TRAK1: variants seen among roughly 807,000 people sequenced by gnomAD.
The protein encoded by TRAK1 is trafficking kinesin-binding protein 1.
Under a neutral mutation model 92.1 loss-of-function variants are expected in TRAK1, and 33 were observed. The observed-to-expected ratio is 0.36, with a 90% CI of 0.27 to 0.48. TRAK1 has a LOEUF of 0.48. Ranked by LOEUF, TRAK1 falls within the 20% of genes least tolerant of loss-of-function variation. TRAK1 has a pLI of 0.99. For synonymous variants in TRAK1, 521 were observed against 517.3 expected, an observed-to-expected ratio of 1.01 and a Z score of -0.10; for missense variants, 1,123 against 1,257.9, an observed-to-expected ratio of 0.89 and a Z score of 1.62.
chr3:42,080,035 C>T (rs533902321), intron 1 of TRAK1, among the ~76,000 whole-genome samples: 1 of 152,098 alleles, frequency 6.6e-6, no homozygotes, highest in Non-Finnish European at 1.5e-5. Context: ...GAAGGTTGCT[C>T]GATCCCTTCC....
chr3:42,046,614 A>G (rs1052148224), intron 1 of TRAK1, among the ~76,000 whole-genome samples: 2 of 152,176 alleles, frequency 1.3e-5, no homozygotes, highest in Non-Finnish European at 2.9e-5. Flanking sequence ...TGCTGGGAAG[A>G]TGGAATTAAG....
chr3:42,155,109 C>T (rs1006819693), intron 2 of TRAK1, among the ~76,000 whole-genome samples: 3 of 151,906 alleles, frequency 2.0e-5, no homozygotes, highest in African/African-American at 7.3e-5. Context: ...AAATAAGAGT[C>T]AAAGAGGCAA....
At chr3:42,080,278 G>A (rs1032260325) in intron 1 of TRAK1, among the ~76,000 whole-genome samples, 25 of 152,138 alleles carry the variant, frequency 1.6e-4, no homozygotes, top group African/African-American at 5.6e-4. Flanking sequence ...ACTGGGGGCC[G>A]GAATTGTTGA....
intron 7 of TRAK1, among the ~76,000 whole-genome samples, chr3:42,192,255 T>A (rs11922051): frequency 0.033 from 5,096 of 152,268 alleles, 122 homozygotes; most frequent in South Asian, 0.073. Flanking sequence ...GAAAACTGTG[T>A]TGAAAATGTG....
intron 1 of TRAK1, among the ~76,000 whole-genome samples, chr3:42,042,252 A>G (rs1425906829): frequency 6.6e-6 from 1 of 151,990 alleles, no homozygotes; most frequent in Non-Finnish European, 1.5e-5. Context: ...GAATGTTTTT[A>G]TCATGAAAGG....
At chr3:42,193,715 A>G (rs1333389566) in intron 8 of TRAK1, 109 bp from the exon 9 acceptor site, 1 of 1,115,446 alleles carries the variant, frequency 9.0e-7, no homozygotes. Flanking sequence ...TAAGATGAGC[A>G]TGTCCTTGTA....
intron 6 of TRAK1, 140 bp from the exon 7 acceptor site, chr3:42,191,418 G>T: frequency 1.6e-6 from 1 of 622,912 alleles, no homozygotes; most frequent in Non-Finnish European, 2.7e-6. Flanking sequence ...CTGTATTTGA[G>T]GGTACGATGG....
At chr3:42,102,640 C>T (rs1404246426) in intron 1 of TRAK1, among the ~76,000 whole-genome samples, 4 of 152,174 alleles carry the variant, frequency 2.6e-5, no homozygotes, top group Non-Finnish European at 4.4e-5. Context: ...GCTGATGGGG[C>T]TGTGTTCCCT....
At chr3:42,187,002 C>T (rs1235157646) in intron 4 of TRAK1, among the ~76,000 whole-genome samples, 2 of 152,232 alleles carry the variant, frequency 1.3e-5, no homozygotes, top group African/African-American at 2.4e-5. Flanking sequence ...CCCTATTCTT[C>T]AGTACTGCAG....
intron 15 of TRAK1, chr3:42,220,366 C>A: frequency 1.8e-6 from 1 of 545,450 alleles, no homozygotes; most frequent in Non-Finnish European, 2.3e-6. Flanking sequence ...AAAATGCTCT[C>A]CCCTAACAGA....
intron 13 of TRAK1, among the ~76,000 whole-genome samples, chr3:42,204,869 A>G (rs1012283925): frequency 1.3e-5 from 2 of 152,176 alleles, no homozygotes; most frequent in Non-Finnish European, 2.9e-5. Flanking sequence ...GGCATGAGTC[A>G]CCACACCTGG....
chr3:42,103,851 C>T (rs2149031512), intron 1 of TRAK1, among the ~76,000 whole-genome samples: 1 of 152,234 alleles, frequency 6.6e-6, no homozygotes, highest in African/African-American at 2.4e-5. Flanking sequence ...GTGGGTGCAG[C>T]CCATGGAGCA....
chr3:42,146,649 G>T (rs1169894244), intron 2 of TRAK1, among the ~76,000 whole-genome samples: 2 of 152,110 alleles, frequency 1.3e-5, no homozygotes, highest in African/African-American at 4.8e-5. Flanking sequence ...TGAAGTCCTG[G>T]GCTCAGGTGA....
intron 15 of TRAK1, among the ~76,000 whole-genome samples, chr3:42,222,408 G>T (rs1710446490): frequency 6.6e-6 from 1 of 152,146 alleles, no homozygotes; most frequent in South Asian, 2.1e-4. Flanking sequence ...GCACAGCCTG[G>T]CCTCAGTCCA....
chr3:42,106,424 A>G (rs534833206), intron 1 of TRAK1, among the ~76,000 whole-genome samples: 97 of 152,320 alleles, frequency 6.4e-4, no homozygotes, highest in African/African-American at 2.2e-3. Flanking sequence ...CAAAAGAGAC[A>G]AAGAAGGCCA....
chr3:42,218,719 G>A, intron 14 of TRAK1: 1 of 985,396 alleles, frequency 1.0e-6, no homozygotes, highest in Non-Finnish European at 1.2e-6. Flanking sequence ...TTAAAAGGAA[G>A]TAAATTGAGA....
chr3:42,027,510 A>G (rs1457532618), intron 1 of TRAK1, among the ~76,000 whole-genome samples: 1 of 151,950 alleles, frequency 6.6e-6, no homozygotes, highest in Non-Finnish European at 1.5e-5. Flanking sequence ...GAGACAGAGC[A>G]AGACTCCATC....
intron 14 of TRAK1, among the ~76,000 whole-genome samples, chr3:42,214,729 T>G (rs1414893107): frequency 6.6e-6 from 1 of 152,196 alleles, no homozygotes; most frequent in Non-Finnish European, 1.5e-5. Context: ...GTTCGAAATC[T>G]CTGTGATAGA....
intron 1 of TRAK1, among the ~76,000 whole-genome samples, chr3:42,077,611 T>A (rs990211104): frequency 2.0e-5 from 3 of 152,192 alleles, no homozygotes; most frequent in African/African-American, 7.2e-5. Context: ...GTTTGTGTCA[T>A]CTCTGATTTC....
Sources: allele counts gnomAD v4.1 joint callset (sites outside exome capture counted in the v4.1 genomes callset), GRCh38; gene constraint gnomAD v4.1.1; transcripts MANE v1.5; gene names NCBI Gene and HGNC (gene_info 2026-07-23, HGNC 2026-07-21).